The following ANKRD30BL variants were observed in gnomAD, a reference collection of about 807,000 sequenced individuals.
ANKRD30BL encodes the protein ankyrin repeat domain 30B like.
A neutral mutation model predicts 18.4 loss-of-function variants in ANKRD30BL; 20 were observed. The ratio of observed to expected loss-of-function variants is 1.09; its 90% CI spans 0.77 to 1.58. The LOEUF is 1.58. Among genes scored for constraint, ANKRD30BL ranks in the 40% most tolerant of loss-of-function variants. ANKRD30BL has a pLI of 0.00. For synonymous variants in ANKRD30BL, 72 were observed against 100.9 expected (o/e 0.71, Z 1.72); for missense variants, 224 against 268.6 (o/e 0.83, Z 1.16).
intron 5 of ANKRD30BL, among the ~76,000 whole-genome samples, chr2:132,150,677 C>T (rs199711349): frequency 6.6e-6 from 1 of 151,840 alleles, no homozygotes; most frequent in Non-Finnish European, 1.5e-5. Flanking sequence ...ATTAAACAAA[C>T]ATTTTTTCAG....
intron 1 of ANKRD30BL, among the ~76,000 whole-genome samples, chr2:132,255,956 T>G (rs62165004): frequency 6.6e-6 from 1 of 152,150 alleles, no homozygotes. Context: ...AGGGGCTGAC[T>G]GGGTTGGTTT....
At chr2:132,221,971 C>T (rs1359435279) in intron 1 of ANKRD30BL, among the ~76,000 whole-genome samples, 54 of 130,254 alleles carry the variant, frequency 4.1e-4, no homozygotes, top group South Asian at 1.0e-3. Flanking sequence ...TGAGGGGCGC[C>T]TCTGCCTGGC....
chr2:132,233,081 A>C (rs1379321818), intron 1 of ANKRD30BL, among the ~76,000 whole-genome samples: 2 of 152,068 alleles, frequency 1.3e-5, no homozygotes, highest in East Asian at 1.9e-4. Context: ...TATCCAGCCA[A>C]ACAAAGCTTC....
At chr2:132,195,336 C>T (rs1171055232) in intron 1 of ANKRD30BL, among the ~76,000 whole-genome samples, 7 of 151,954 alleles carry the variant, frequency 4.6e-5, no homozygotes, top group African/African-American at 1.7e-4. Flanking sequence ...AAAAATATTA[C>T]AAAACATGTG....
chr2:132,232,925 C>G, intron 1 of ANKRD30BL, among the ~76,000 whole-genome samples: 1 of 152,036 alleles, frequency 6.6e-6, no homozygotes, highest in East Asian at 1.9e-4. Context: ...ATGTTAAGGG[C>G]AGCCAGAGAG....
In ANKRD30BL at chr2:132,157,052, T is replaced by C. The variant is rs543214196; in HGVS notation, c.428A>G (p.His143Arg). The change falls in exon 3 of 6, where the codon CAT becomes CGT. Residue 143 changes from histidine (H) to arginine (R), a missense_variant. Around this residue, in one of 3 missense-constraint regions of ANKRD30BL, gnomAD observed 30 missense variants for 77.5 expected, o/e 0.39. Transcript: ENST00000409867. ...CAAATTCTCACTGTTAACAGCATAA[T>C]GGACAGCTGTGTTGCCATACACATC... The part of the protein sequence containing the change: ...IVDVYGNTAV[H>R]YAVNSENLSV... The C allele has an allele frequency of 2.2e-5, 30 of 1,383,806 alleles. No individual in the cohort carries two copies. In the East Asian group the frequency reaches 7.4e-4, roughly 34 times the overall value. The allele number at this position is 1,383,806 out of a possible 1,614,324, so 85.7% of individuals were successfully genotyped here.
intron 1 of ANKRD30BL, among the ~76,000 whole-genome samples, chr2:132,190,310 C>T (rs1011466737): frequency 6.6e-6 from 1 of 151,802 alleles, no homozygotes; most frequent in Non-Finnish European, 1.5e-5. Context: ...GTCAGAAATG[C>T]TGTGGTTCTA....
chr2:132,170,018 C>T (rs1688251223), intron 1 of ANKRD30BL, among the ~76,000 whole-genome samples: 2 of 152,148 alleles, frequency 1.3e-5, no homozygotes, highest in African/African-American at 4.8e-5. Flanking sequence ...ACTGACTCAA[C>T]ATCCAGTAGA....
At chr2:132,150,825 T>C (rs1214658500) in intron 5 of ANKRD30BL, 87 bp downstream of exon 5, 3 of 480,456 alleles carry the variant, frequency 6.2e-6, no homozygotes, top group Non-Finnish European at 7.4e-6. Flanking sequence ...TACTTACACA[T>C]TGCTTTTCTA....
At chr2:132,251,810 A>G (rs1680656190) in intron 1 of ANKRD30BL, among the ~76,000 whole-genome samples, 1 of 152,166 alleles carries the variant, frequency 6.6e-6, no homozygotes, top group Non-Finnish European at 1.5e-5. Flanking sequence ...TCTGTTTTCC[A>G]TCACCTAAAA....
intron 1 of ANKRD30BL, among the ~76,000 whole-genome samples, chr2:132,204,822 TATAAA>T (rs1265972282): frequency 6.6e-6 from 1 of 152,190 alleles, no homozygotes. Context: ...TTTGCCAAAA[TATAAA>T]ATGTGTTTAT....
intron 1 of ANKRD30BL, among the ~76,000 whole-genome samples, chr2:132,207,115 C>T (rs1679226521): frequency 6.6e-6 from 1 of 152,070 alleles, no homozygotes; most frequent in East Asian, 1.9e-4. Flanking sequence ...CCCTCACAGA[C>T]ATCAGGGGCT....
At chr2:132,200,532 T>C (rs1379348088) in intron 1 of ANKRD30BL, among the ~76,000 whole-genome samples, 4 of 152,190 alleles carry the variant, frequency 2.6e-5, no homozygotes, top group East Asian at 3.9e-4. Flanking sequence ...CATGAGTGAA[T>C]TCCCATTCAC....
intron 1 of ANKRD30BL, among the ~76,000 whole-genome samples, chr2:132,233,894 C>T (rs975976524): frequency 2.0e-5 from 3 of 152,018 alleles, no homozygotes; most frequent in African/African-American, 7.3e-5. Context: ...TTTTTTTCAA[C>T]ACCACACCAC....
chr2:132,177,947 T>A (rs1410379682), intron 1 of ANKRD30BL, among the ~76,000 whole-genome samples: 1 of 152,224 alleles, frequency 6.6e-6, no homozygotes. Flanking sequence ...TTTTTAATGT[T>A]ACCTATAACT....
At chr2:132,210,076 G>A (rs75721985) in intron 1 of ANKRD30BL, among the ~76,000 whole-genome samples, 2 of 152,222 alleles carry the variant, frequency 1.3e-5, no homozygotes, top group African/African-American at 2.4e-5. Flanking sequence ...TTCATGATGT[G>A]TGCATTCAAC....
intron 1 of ANKRD30BL, among the ~76,000 whole-genome samples, chr2:132,191,737 ATT>A (rs777830399): frequency 2.7e-5 from 3 of 111,896 alleles, no homozygotes; most frequent in Non-Finnish European, 5.5e-5. Context: ...ATGGAGTTTG[ATT>A]TTTTTTTTTT....
chr2:132,182,309 C>T (rs28590678), intron 1 of ANKRD30BL, among the ~76,000 whole-genome samples: 57,720 of 150,640 alleles, frequency 0.38, 11,547 homozygotes, highest in South Asian at 0.45. Context: ...GGTGAAACCC[C>T]GTCTCTACTA....
rs1373829150 is a variant in ANKRD30BL, at chr2:132,161,920, GC to G, written c.-216del. ...CTGAGCAGAACCGTTAGGCACCTGA[GC>G]AGAACCTTTAGGCAGCTGAGCAGAA... On this transcript the variant is annotated 5_prime_UTR_variant, in exon 1 of 6. Transcript: ENST00000409867. 1.8e-6 allele frequency: 1 copy of G among 559,426 alleles called. No homozygotes were observed. Among genetic ancestry groups the G allele is most frequent in the East Asian group, 3.0e-5 (1 of 32,928 alleles). 34.7% of individuals were successfully genotyped at this position (559,426 alleles called of 1,614,324 possible).
Sources: gnomAD v4.1 joint callset for allele counts (sites outside exome capture counted in the v4.1 genomes callset) on GRCh38, gnomAD v4.1.1 for gene constraint, gnomAD v4.1.1 regional missense constraint, MANE v1.5 for transcripts, NCBI Gene and HGNC (gene_info 2026-07-23, HGNC 2026-07-21) for gene names.